SPATA13: variants seen among roughly 807,000 people sequenced by gnomAD.
SPATA13 encodes spermatogenesis-associated protein 13.
A neutral mutation model predicts 104.0 loss-of-function variants in SPATA13; 50 were observed. The ratio of observed to expected loss-of-function variants is 0.48; its 90% CI spans 0.38 to 0.61. The LOEUF is 0.61. Among genes scored for constraint, SPATA13 ranks in the 20% least tolerant of loss-of-function variants. The probability of loss-of-function intolerance (pLI) is 0.00; values close to 1 mark genes in which losing one functional copy is unlikely to be tolerated. For missense variants in SPATA13, 1,524 were observed against 1,690.6 expected (o/e 0.90, Z 1.73); for synonymous variants, 606 against 667.5 (o/e 0.91, Z 1.42).
chr13:24,288,577 TTGCC>T (rs1876120591), intron 7 of SPATA13, among the ~76,000 whole-genome samples: 2 of 147,024 alleles, frequency 1.4e-5, no homozygotes, highest in Non-Finnish European at 3.0e-5. Context: ...AGAGGAATCC[TTGCC>T]CTGATGAACA....
At chr13:24,225,917 C>G (rs1871907492) in intron 2 of SPATA13, among the ~76,000 whole-genome samples, 1 of 152,116 alleles carries the variant, frequency 6.6e-6, no homozygotes, top group Admixed American at 6.6e-5. Context: ...GTTCCACATC[C>G]AGGAAAAATG....
At position 24,223,553 on chromosome 13, in the gene SPATA13, C is replaced by T. The variant is rs1178702427; in HGVS notation, c.624C>T (p.Gly208=). 4 of 1,549,224 alleles carry T rather than the reference C, an allele frequency of 2.6e-6. No homozygotes were observed. The highest frequency in any genetic ancestry group is 3.5e-6 in the Non-Finnish European group (4 of 1,146,988). The stretch of plus-strand genomic sequence containing the variant: ...CCCGCAGCCTCCGCAGAGCCTACGG[C>T]CTGGGCCGCATCTGCCTGCTGGATG... ...HRSRSLRRAY[G]LGRICLLDAP... Residue 208 remains glycine, a synonymous_variant, in exon 2 of 13, where the codon GGC becomes GGT. Coordinates refer to ENST00000382108, the MANE Select transcript of SPATA13 (RefSeq NM_001166271.3).
intron 3 of SPATA13, among the ~76,000 whole-genome samples, chr13:24,043,932 A>G (rs1465556255): frequency 6.6e-6 from 1 of 152,196 alleles, no homozygotes; most frequent in African/African-American, 2.4e-5. Flanking sequence ...AACCTTGGGA[A>G]GTGGGGTTAG....
At chr13:24,185,242 A>G (rs894376953) in intron 1 of SPATA13, among the ~76,000 whole-genome samples, 2 of 152,194 alleles carry the variant, frequency 1.3e-5, no homozygotes, top group Non-Finnish European at 2.9e-5. Context: ...TGTGTGTAAT[A>G]GTGCCCATCA....
At chr13:24,176,106 G>C (rs759041504) in intron 1 of SPATA13, among the ~76,000 whole-genome samples, 1 of 152,174 alleles carries the variant, frequency 6.6e-6, no homozygotes, top group African/African-American at 2.4e-5. Context: ...TCTTTCTTAA[G>C]TGTGATTGTT....
chr13:24,171,915 A>G (rs951978804), intron 1 of SPATA13, among the ~76,000 whole-genome samples: 1 of 152,180 alleles, frequency 6.6e-6, no homozygotes, highest in African/African-American at 2.4e-5. Context: ...CAAAATTCTT[A>G]TTTATCAGTG....
Position 24,251,778 on chromosome 13 carries a change from C to T in SPATA13, c.2080C>T (p.Arg694Trp), listed in dbSNP as rs766565372. The T allele has an allele frequency of 8.7e-6, 14 of 1,614,214 alleles. No individual in the cohort carries two copies. Among genetic ancestry groups the T allele is most frequent in the East Asian group, 6.7e-5 (3 of 44,878 alleles). ...QVPPYKAVSA[R>W]FRPFTFSQST... ...GCCACCCTACAAGGCTGTGTCGGCC[C>T]GGTTCCGGCCCTTCACATTCTCCCA... Residue 694 changes from arginine (R) to tryptophan (W), a missense_variant, in exon 4 of 13, where the codon CGG (arginine) becomes TGG (tryptophan). Arg to Trp is a moderately radical substitution (Grantham distance 101, BLOSUM62 -3). Around this residue, in one of 2 missense-constraint regions of SPATA13, gnomAD observed 1,089 missense variants for 1,135.9 expected, o/e 0.96. Coordinates refer to ENST00000382108, the MANE Select transcript of SPATA13 (RefSeq NM_001166271.3).
chr13:24,030,557 C>T (rs1010576331), intron 3 of SPATA13, among the ~76,000 whole-genome samples: 2 of 152,164 alleles, frequency 1.3e-5, no homozygotes, highest in Non-Finnish European at 1.5e-5. Context: ...TATTAAAGCC[C>T]CAGCCCCAGA....
chr13:24,079,832 C>A (rs1444905688), intron 3 of SPATA13, among the ~76,000 whole-genome samples: 5 of 152,152 alleles, frequency 3.3e-5, no homozygotes, highest in African/African-American at 9.7e-5. Flanking sequence ...TCGCCTCTCA[C>A]CTTTTGGGCC....
rs368085485 is a variant in SPATA13 at position 24,189,692 on chromosome 13, TATATA to T, written c.-112+28766_-112+28770del. On this transcript the variant is annotated intron_variant, in intron 1 of 12. Transcript: ENST00000382108. ...ATATATTATATATATTTATATATAATATATAATATATTATATATAAAAGCATATAT... is the reference window on the plus strand; with the variant it reads ...ATATATTATATATATTTATATATAATATATATTATATATAAAAGCATATAT... Among the ~76,000 whole-genome samples, 2 of 8,626 alleles carry T rather than the reference TATATA, an allele frequency of 2.3e-4. 1 individual carries two copies. Among genetic ancestry groups the T allele is most frequent in the Non-Finnish European group, 4.6e-3 (2 of 432 alleles). The allele number at this position is 8,626 out of a possible 152,430, so 5.7% of individuals were successfully genotyped here.
rs929997772 is a variant in SPATA13 at position 24,223,066 on chromosome 13, C to G, written c.137C>G (p.Ala46Gly). 1.3e-6 allele frequency: 2 copies of G among 1,551,746 alleles called. No individual in the cohort carries two copies. The highest frequency in any genetic ancestry group is 2.4e-5 in the South Asian group (2 of 84,060). ...GACGCCAAGATGGTGACCTCCCTTGCGTGTGGAAATGGAGTCTGTGGCTGC... is the reference window on the plus strand; with the variant it reads ...GACGCCAAGATGGTGACCTCCCTTGGGTGTGGAAATGGAGTCTGTGGCTGC... ...LKDAKMVTSL[A>G]CGNGVCGCSP... is the part of the protein sequence containing the mutation. Residue 46 changes from alanine to glycine, a missense_variant, in exon 2 of 13, where the codon GCG becomes GGG. Physicochemically the swap from Ala to Gly is moderately conservative, Grantham distance 60. Transcript: ENST00000382108.
At chr13:24,192,240 C>A (rs9507267) in intron 1 of SPATA13, among the ~76,000 whole-genome samples, 2 of 151,958 alleles carry the variant, frequency 1.3e-5, no homozygotes, top group Non-Finnish European at 2.9e-5. Flanking sequence ...CCCCTCCCCC[C>A]ACACCTTATC....
rs1566202576 is a variant in SPATA13 at position 24,297,651 on chromosome 13, T to TG, written c.3500dup (p.Cys1167TrpfsTer18). The TG allele has an allele frequency of 6.2e-7, 1 of 1,614,256 alleles. No individual in the cohort carries two copies. Among genetic ancestry groups the TG allele is most frequent in the Non-Finnish European group, 8.5e-7 (1 of 1,180,052 alleles). On this transcript the variant is annotated frameshift_variant, in exon 11 of 13. Transcript: ENST00000382108. LOFTEE classifies it high-confidence loss of function. ...GACCACAGACGAGGTTTATTTGTTT[T>TG]GTGCCAAAAAACAAGAAGACAAGGC...
rs1052032024 is a variant in SPATA13, at chr13:24,182,121, A to T, written c.-112+21189A>T. On this transcript the variant is annotated intron_variant, in intron 1 of 12. Transcript: ENST00000382108. Reference sequence around the variant, plus strand: ...TTGTTTTGGTTTTGTTTTCCTCTTTAGGAAGGATCCTTGCATGGGGAAAGA... The same window carrying T: ...TTGTTTTGGTTTTGTTTTCCTCTTTTGGAAGGATCCTTGCATGGGGAAAGA... Among the ~76,000 whole-genome samples the T allele has an allele frequency of 3.9e-5, 6 of 152,154 alleles. No homozygotes were observed. In the East Asian group the frequency reaches 1.2e-3, roughly 29 times the overall value.
In SPATA13 at chr13:24,147,575, C is replaced by T. The variant is rs374287614; in HGVS notation, c.-111-75244C>T. ...AGGGTCAACTCTCAAGCTGTTAAGC[C>T]CCTTCCAGGAAGCCACCCACACCTT... On this transcript the variant is annotated intron_variant, in intron 3 of 14. Coordinates refer to the SPATA13 transcript ENST00000424834. Among the ~76,000 whole-genome samples the T allele has an allele frequency of 9.2e-5, 14 of 152,186 alleles. No homozygotes were observed. In the South Asian group the frequency reaches 2.1e-3, roughly 23 times the overall value.
intron 1 of SPATA13, among the ~76,000 whole-genome samples, chr13:24,186,759 G>A (rs2138534515): frequency 6.6e-6 from 1 of 152,262 alleles, no homozygotes; most frequent in African/African-American, 2.4e-5. Flanking sequence ...TGTTTGAAAT[G>A]GGCAACAACG....
intron 4 of SPATA13, among the ~76,000 whole-genome samples, chr13:24,259,936 G>T (rs144939850): frequency 3.9e-5 from 6 of 152,238 alleles, no homozygotes; most frequent in Admixed American, 6.5e-5. Context: ...CACCACACCC[G>T]GCCTGAGTTG....
intron 4 of SPATA13, chr13:24,270,712 A>G (rs917674272): frequency 7.3e-6 from 11 of 1,508,626 alleles, no homozygotes; most frequent in Non-Finnish European, 9.8e-6. Context: ...TCTGGCCGGG[A>G]ACGCATACAA....
At chr13:24,122,994 T>A (rs1566112113) in intron 3 of SPATA13, 1 of 856,900 alleles carries the variant, frequency 1.2e-6, no homozygotes, top group East Asian at 2.4e-5. Context: ...TGCTTTGTCA[T>A]CACTACCTTC....
Sources: gnomAD v4.1 joint callset for allele counts (sites outside exome capture counted in the v4.1 genomes callset) on GRCh38, gnomAD v4.1.1 for gene constraint, gnomAD v4.1.1 regional missense constraint, MANE v1.5 for transcripts, NCBI Gene and HGNC (gene_info 2026-07-23, HGNC 2026-07-21) for gene names.